Variants in ENAH observed in about 807,000 individuals in gnomAD.
ENAH encodes protein enabled homolog.
Under a neutral mutation model 78.7 loss-of-function variants are expected in ENAH, and 23 were observed. The ratio of observed to expected loss-of-function variants is 0.29; its 90% CI spans 0.21 to 0.41. The LOEUF (loss-of-function observed/expected upper bound fraction) is 0.41. Among genes scored for constraint, ENAH ranks in the 10% least tolerant of loss-of-function variants. The probability of loss-of-function intolerance (pLI) is 1.00; values close to 1 mark genes in which losing one functional copy is unlikely to be tolerated. For synonymous variants in ENAH, 226 were observed against 241.0 expected, an observed-to-expected ratio of 0.94 and a Z score of 0.58; for missense variants, 544 against 691.0, an observed-to-expected ratio of 0.79 and a Z score of 2.39.
chr1:225,539,007 GGCATTATTGAGTATATGCTCAGAGAAACC>G (rs2096575938), intron 3 of ENAH, among the ~76,000 whole-genome samples: 1 of 152,032 alleles, frequency 6.6e-6, no homozygotes, highest in Non-Finnish European at 1.5e-5. Flanking sequence ...TGTTACTAAG[GGCATTATTGAGTATATGCTCAGAGAAACC>G]ACCACATTCT....
chr1:225,554,179 T>C (rs988816741), intron 3 of ENAH, among the ~76,000 whole-genome samples: 1 of 152,194 alleles, frequency 6.6e-6, no homozygotes, highest in Admixed American at 6.5e-5. Context: ...AGAGTAATCA[T>C]ATTTGTGTTT....
At chr1:225,517,795 G>A (rs1001000123) in intron 5 of ENAH, 9 of 1,551,130 alleles carry the variant, frequency 5.8e-6, no homozygotes, top group Non-Finnish European at 7.0e-6. Context: ...TGCAAAACGT[G>A]TCGCTGAGTG....
At chr1:225,552,169 CT>C (rs1263720308) in intron 3 of ENAH, among the ~76,000 whole-genome samples, 2 of 124,702 alleles carry the variant, frequency 1.6e-5, no homozygotes, top group Non-Finnish European at 3.2e-5. Context: ...CAGAGTCTTG[CT>C]CAGTCGCCCA....
At chr1:225,564,755 G>A (rs2096726475) in intron 2 of ENAH, among the ~76,000 whole-genome samples, 1 of 152,008 alleles carries the variant, frequency 6.6e-6, no homozygotes, top group South Asian at 2.1e-4. Flanking sequence ...TTTCAATGAA[G>A]CAGCTTTTGT....
At chr1:225,648,423 G>A (rs974461339) in intron 1 of ENAH, among the ~76,000 whole-genome samples, 2 of 152,098 alleles carry the variant, frequency 1.3e-5, no homozygotes, top group African/African-American at 4.8e-5. Flanking sequence ...TTCTATACCA[G>A]CCAAATGGTG....
At chr1:225,523,806 A>C (rs2151204738) in intron 4 of ENAH, among the ~76,000 whole-genome samples, 1 of 152,328 alleles carries the variant, frequency 6.6e-6, no homozygotes, top group South Asian at 2.1e-4. Context: ...CCAAATTTAT[A>C]AACTTTGCTT....
intron 2 of ENAH, among the ~76,000 whole-genome samples, chr1:225,558,627 C>CTTTTTTTTTTTTTTTTTT (rs71170091): frequency 4.3e-5 from 3 of 69,246 alleles, no homozygotes; most frequent in African/African-American, 5.6e-5. Context: ...TAATTTCTGC[C>CTTTTTTTTTTTTTTTTTT]TTTTTTTTTT....
At chr1:225,610,233 T>G (rs2096981113) in intron 1 of ENAH, among the ~76,000 whole-genome samples, 1 of 151,836 alleles carries the variant, frequency 6.6e-6, no homozygotes, top group Non-Finnish European at 1.5e-5. Context: ...TCTCAAGTAG[T>G]GACATTATTT....
chr1:225,543,244 A>G lies in ENAH; in HGVS notation c.349+11662T>C, dbSNP rs187791490. Among the ~76,000 whole-genome samples, 16 of 152,334 alleles carry G rather than the reference A, an allele frequency of 1.1e-4. No individual in the cohort carries two copies. In the East Asian group the frequency reaches 3.1e-3, roughly 29 times the overall value. The stretch of plus-strand genomic sequence containing the variant: ...GTGGGACTGATTTCAAGGCTTGAGG[A>G]AAACTTTAAATCAATGGGAAACCAG... On this transcript the variant is annotated intron_variant, in intron 3 of 13. Coordinates refer to ENST00000366843, the MANE Select transcript of ENAH (RefSeq NM_018212.6).
chr1:225,513,114 T>C, intron 7 of ENAH, 98 bp from the exon 8 acceptor site: 1 of 1,130,560 alleles, frequency 8.8e-7, no homozygotes, highest in Non-Finnish European at 1.2e-6. Context: ...TCAGCATTAA[T>C]TTTAAAAAAC....
At chr1:225,564,376 G>A (rs1257432842) in intron 2 of ENAH, among the ~76,000 whole-genome samples, 3 of 151,128 alleles carry the variant, frequency 2.0e-5, no homozygotes, top group South Asian at 2.1e-4. Context: ...CGCAACCTCC[G>A]CTCCCAGGTA....
At chr1:225,562,830 A>G (rs2096715128) in intron 2 of ENAH, among the ~76,000 whole-genome samples, 1 of 151,820 alleles carries the variant, frequency 6.6e-6, no homozygotes, top group Non-Finnish European at 1.5e-5. Flanking sequence ...AATGATGGCC[A>G]GCCACAGTGG....
intron 1 of ENAH, among the ~76,000 whole-genome samples, chr1:225,643,408 AC>A (rs1661431227): frequency 3.3e-5 from 5 of 152,192 alleles, no homozygotes; most frequent in African/African-American, 4.8e-5. Flanking sequence ...AAAAAAAAAA[AC>A]AAAACACAGC....
chr1:225,545,399 C>T (rs1295149989), intron 3 of ENAH, among the ~76,000 whole-genome samples: 1 of 152,146 alleles, frequency 6.6e-6, no homozygotes, highest in Non-Finnish European at 1.5e-5. Flanking sequence ...TTATTAAAGA[C>T]CCTAAAGAGC....
chr1:225,518,523 A>T (rs2151162651), intron 5 of ENAH, among the ~76,000 whole-genome samples: 1 of 151,554 alleles, frequency 6.6e-6, no homozygotes, highest in South Asian at 2.1e-4. Flanking sequence ...AATTAACTTA[A>T]TAAACCAACC....
chr1:225,533,047 C>T (rs1346756803), intron 3 of ENAH, among the ~76,000 whole-genome samples: 6 of 152,100 alleles, frequency 3.9e-5, no homozygotes, highest in South Asian at 4.2e-4. Context: ...CACTTTTTCA[C>T]ATCTACATTT....
At position 225,490,606 on chromosome 1, in the gene ENAH, T is replaced by C. The variant is rs1322642550; in HGVS notation, c.*7169A>G. The C allele has an allele frequency of 6.6e-6, 1 of 151,960 alleles. No individual in the cohort carries two copies. Among genetic ancestry groups the C allele is most frequent in the Non-Finnish European group, 1.5e-5 (1 of 67,998 alleles). The allele number at this position is 151,960 out of a possible 1,614,324, so 9.4% of individuals were successfully genotyped here. A position where few individuals can be genotyped will look rare whatever the true frequency, so the allele number is the denominator to read the frequency against. On this transcript the variant is annotated 3_prime_UTR_variant, in exon 14 of 14. Transcript: ENST00000366843. The stretch of plus-strand genomic sequence containing the variant: ...TTTTTGCAATTGAAACTTAAAATGA[T>C]CAAGCCCAAAGTACCTCTGGGAAGG...
chr1:225,589,069 T>C (rs2096862455), intron 1 of ENAH, among the ~76,000 whole-genome samples: 1 of 152,072 alleles, frequency 6.6e-6, no homozygotes, highest in Non-Finnish European at 1.5e-5. Flanking sequence ...CAAGAGTATA[T>C]ATTTTACGGT....
intron 2 of ENAH, among the ~76,000 whole-genome samples, chr1:225,562,449 A>G (rs9426126): frequency 0.84 from 126,183 of 151,070 alleles, 52,800 homozygotes; most frequent in Middle Eastern, 0.91. Context: ...ACAGGCGCCT[A>G]TAGTCCCAGC....
Sources: gnomAD v4.1 joint callset for allele counts (sites outside exome capture counted in the v4.1 genomes callset) on GRCh38, gnomAD v4.1.1 for gene constraint, MANE v1.5 for transcripts, NCBI Gene and HGNC (gene_info 2026-07-23, HGNC 2026-07-21) for gene names.